The following DMD variants were observed in gnomAD, a reference collection of about 807,000 sequenced individuals.
The protein encoded by DMD is dystrophin.
Under a neutral mutation model 330.1 loss-of-function variants are expected in DMD, and 63 were observed. The ratio of observed to expected loss-of-function variants is 0.19; its 90% CI spans 0.16 to 0.24. The LOEUF is 0.24. Ranked by LOEUF, DMD falls within the 10% of genes least tolerant of loss-of-function variation. The pLI, the probability that DMD is intolerant of heterozygous loss-of-function variation, is 1.00. For synonymous variants in DMD, 1,223 were observed against 959.8 expected, an observed-to-expected ratio of 1.27 and a Z score of -5.07; for missense variants, 3,344 against 2,684.1, an observed-to-expected ratio of 1.25 and a Z score of -5.43.
intron 1 of DMD, among the ~76,000 whole-genome samples, chrX:33,096,674 G>A (rs868155794): frequency 2.7e-5 from 3 of 110,467 alleles, no homozygotes; most frequent in South Asian, 3.9e-4. Context: ...CTGGCTAATC[G>A]TTTGTATTTT....
chrX:31,833,317 GGAGAGAGGGAGAGAGGGAGAGAGT>G (rs2093106878), intron 49 of DMD, among the ~76,000 whole-genome samples: 1 of 58,305 alleles, frequency 1.7e-5, no homozygotes, highest in African/African-American at 7.5e-5. Context: ...AGGGAGAGAG[GGAGAGAGGGAGAGAGGGAGAGAGT>G]GGAGAGGGAG....
chrX:32,868,991 A>T (rs1302120275), intron 2 of DMD, among the ~76,000 whole-genome samples: 1 of 111,404 alleles, frequency 9.0e-6, no homozygotes, highest in African/African-American at 3.3e-5. Context: ...CTTATACAGG[A>T]AGGTTCCTGC....
intron 51 of DMD, among the ~76,000 whole-genome samples, chrX:31,756,324 C>G (rs1333247689): frequency 8.9e-6 from 1 of 112,280 alleles, no homozygotes; most frequent in East Asian, 2.8e-4. Flanking sequence ...TTTAATGTAT[C>G]ATTTTTCCTA....
intron 1 of DMD, among the ~76,000 whole-genome samples, chrX:33,095,973 T>TA: frequency 1.3e-5 from 1 of 78,382 alleles, no homozygotes. Flanking sequence ...AATTTTTTTT[T>TA]TTTTTTTTTT....
At chrX:32,213,639 A>G (rs2097101459) in intron 44 of DMD, among the ~76,000 whole-genome samples, 1 of 111,997 alleles carries the variant, frequency 8.9e-6, no homozygotes, top group South Asian at 3.7e-4. Context: ...TATCTCATCT[A>G]TAGATTGAGA....
chrX:32,685,876 C>A (rs1247573862), intron 9 of DMD, among the ~76,000 whole-genome samples: 12 of 111,784 alleles, frequency 1.1e-4, no homozygotes. Context: ...TTCTATTAAA[C>A]TTTATAATGA....
At chrX:31,765,190 C>T (rs1467207337) in intron 51 of DMD, among the ~76,000 whole-genome samples, 3 of 110,800 alleles carry the variant, frequency 2.7e-5, no homozygotes, top group Non-Finnish European at 5.7e-5. Flanking sequence ...AACAAGATCC[C>T]TGGAAAGATA....
intron 57 of DMD, among the ~76,000 whole-genome samples, chrX:31,481,239 T>G (rs2149265743): frequency 8.9e-6 from 1 of 112,539 alleles, no homozygotes; most frequent in Non-Finnish European, 1.9e-5. Flanking sequence ...AGGTGTTGCC[T>G]TGAAGGTAAT....
chrX:31,522,747 G>A (rs5927764), intron 55 of DMD, among the ~76,000 whole-genome samples: 35,145 of 109,776 alleles, frequency 0.32, 5,020 homozygotes, highest in African/African-American at 0.53. Flanking sequence ...CCAAGGAGAT[G>A]TGAGCAGTTT....
At chrX:32,442,714 C>CT (rs1174609153) in intron 27 of DMD, among the ~76,000 whole-genome samples, 1 of 110,308 alleles carries the variant, frequency 9.1e-6, no homozygotes. Context: ...CATTTCAGCC[C>CT]TTTTTGTAGT....
chrX:31,123,306 A>G (rs1313798640), intron 78 of DMD, among the ~76,000 whole-genome samples: 2 of 112,263 alleles, frequency 1.8e-5, no homozygotes, highest in African/African-American at 6.5e-5. Context: ...TTATTAGTGC[A>G]AAGAATTTCA....
At chrX:32,834,585 C>G (rs1229013139) in intron 4 of DMD, among the ~76,000 whole-genome samples, 1 of 111,497 alleles carries the variant, frequency 9.0e-6, no homozygotes, top group Non-Finnish European at 1.9e-5. Context: ...TTGAACATAG[C>G]TGTCATCTGA....
chrX:32,252,770 AT>A (rs1220694665), intron 43 of DMD, among the ~76,000 whole-genome samples: 2 of 57,326 alleles, frequency 3.5e-5, no homozygotes, highest in African/African-American at 1.9e-4. Context: ...ATAAATATAT[AT>A]AAATATATAT....
intron 2 of DMD, among the ~76,000 whole-genome samples, chrX:32,853,396 A>T (rs2081288294): frequency 8.9e-6 from 1 of 112,130 alleles, no homozygotes; most frequent in African/African-American, 3.2e-5. Flanking sequence ...TAACTCTAAT[A>T]ACTTTAAGAC....
chrX:32,634,811 G>A (rs2058982409), intron 11 of DMD, among the ~76,000 whole-genome samples: 1 of 111,886 alleles, frequency 8.9e-6, no homozygotes, highest in Admixed American at 9.5e-5. Flanking sequence ...GGGGTTGGGG[G>A]AAGGGAAGCA....
At chrX:33,275,866 A>G (rs1190629791) in intron 1 of DMD, among the ~76,000 whole-genome samples, 1 of 111,896 alleles carries the variant, frequency 8.9e-6, no homozygotes, top group Non-Finnish European at 1.9e-5. Flanking sequence ...TATTCCATAT[A>G]TGCATGCATC....
At chrX:32,792,036 T>A (rs917995014) in intron 7 of DMD, among the ~76,000 whole-genome samples, 5 of 111,641 alleles carry the variant, frequency 4.5e-5, no homozygotes, top group Non-Finnish European at 9.4e-5. Flanking sequence ...AGATTAACAG[T>A]GAATTTCTCA....
intron 1 of DMD, among the ~76,000 whole-genome samples, chrX:33,308,762 T>C (rs756158377): frequency 8.1e-5 from 9 of 111,695 alleles, no homozygotes; most frequent in Non-Finnish European, 1.3e-4. Context: ...GAGGGAAGGT[T>C]CAACATATGT....
chrX:31,469,896 C>A (rs1195651372), intron 59 of DMD, among the ~76,000 whole-genome samples: 1 of 111,205 alleles, frequency 9.0e-6, no homozygotes, highest in African/African-American at 3.3e-5. Flanking sequence ...GTAATCTTCT[C>A]TTCATGCTTT....
Sources: allele counts gnomAD v4.1 joint callset (sites outside exome capture counted in the v4.1 genomes callset), GRCh38; gene constraint gnomAD v4.1.1; transcripts MANE v1.5; gene names NCBI Gene and HGNC (gene_info 2026-07-23, HGNC 2026-07-21).